The following HLTF variants were observed in gnomAD, a reference collection of about 807,000 sequenced individuals.
The protein encoded by HLTF is DNA-dependent ATPase/E3 ubiquitin-protein ligase HLTF.
HLTF carries 127 observed loss-of-function variants against 129.4 expected under a neutral mutation model. That is an observed-to-expected ratio of 0.98 (90% CI 0.85 to 1.14). The LOEUF is 1.14. Ranked by LOEUF, HLTF falls within the 50% of genes most tolerant of loss-of-function variation. HLTF has a pLI of 0.00. For synonymous variants in HLTF, 332 were observed against 388.8 expected, an observed-to-expected ratio of 0.85 and a Z score of 1.72; for missense variants, 1,139 against 1,187.1, an observed-to-expected ratio of 0.96 and a Z score of 0.60.
chr3:149,054,452 T>A (rs1209139251), intron 14 of HLTF, among the ~76,000 whole-genome samples: 2 of 151,870 alleles, frequency 1.3e-5, no homozygotes, highest in South Asian at 4.2e-4. Flanking sequence ...TTAAAAAGAG[T>A]AGGATCTCTT....
At chr3:149,042,783 G>C (rs1452475927) in intron 18 of HLTF, among the ~76,000 whole-genome samples, 1 of 152,078 alleles carries the variant, frequency 6.6e-6, no homozygotes, top group Non-Finnish European at 1.5e-5. Flanking sequence ...TAAAGTTTCT[G>C]ATCTCTGTTT....
intron 13 of HLTF, among the ~76,000 whole-genome samples, chr3:149,056,832 G>C (rs886114793): frequency 1.3e-5 from 2 of 150,922 alleles, no homozygotes; most frequent in African/African-American, 4.9e-5. Context: ...AGAATGGGCC[G>C]GGCGCGGTGG....
intron 2 of HLTF, among the ~76,000 whole-genome samples, chr3:149,079,374 A>T (rs1309926084): frequency 0.011 from 82 of 7,278 alleles, no homozygotes; most frequent in Non-Finnish European, 0.016. Flanking sequence ...GACAGTTTCT[A>T]AAAAAAAAAA....
At chr3:149,050,648 G>A (rs1331650094) in intron 14 of HLTF, among the ~76,000 whole-genome samples, 2 of 152,130 alleles carry the variant, frequency 1.3e-5, no homozygotes, top group African/African-American at 2.4e-5. Context: ...AAACAATAAT[G>A]AGTTTTATAA....
At chr3:149,040,914 AC>A (rs1716077740) in intron 20 of HLTF, among the ~76,000 whole-genome samples, 1 of 152,102 alleles carries the variant, frequency 6.6e-6, no homozygotes. Flanking sequence ...AAAAAATTCT[AC>A]CCCAGCTGAA....
At chr3:149,047,962 G>T in intron 17 of HLTF, 66 bp downstream of exon 17, 3 of 1,313,940 alleles carry the variant, frequency 2.3e-6, no homozygotes, top group Non-Finnish European at 3.1e-6. Flanking sequence ...TAAAGAAAGT[G>T]CCAACTGGTT....
intron 10 of HLTF, among the ~76,000 whole-genome samples, chr3:149,061,315 G>A (rs1049560704): frequency 6.6e-6 from 1 of 152,026 alleles, no homozygotes; most frequent in Non-Finnish European, 1.5e-5. Context: ...GGAGGCTGAG[G>A]CAGGAGAATG....
At chr3:149,037,071 GATTA>G (rs1451840886) in intron 23 of HLTF, among the ~76,000 whole-genome samples, 4 of 152,072 alleles carry the variant, frequency 2.6e-5, no homozygotes, top group East Asian at 1.9e-4. Flanking sequence ...ATTATCACTG[GATTA>G]ATTAATATTC....
At chr3:149,050,093 A>G in intron 15 of HLTF, 139 bp downstream of exon 15, 1 of 433,032 alleles carries the variant, frequency 2.3e-6, no homozygotes, top group Non-Finnish European at 4.0e-6. Context: ...AAAAAAAACC[A>G]TTTATTTTTC....
intron 2 of HLTF, among the ~76,000 whole-genome samples, chr3:149,076,406 AC>A (rs1719359311): frequency 1.3e-5 from 2 of 152,332 alleles, no homozygotes; most frequent in Non-Finnish European, 2.9e-5. Context: ...AGTACATTGC[AC>A]AGACTGACTT....
At chr3:149,035,656 C>CAAAA (rs59996160) in intron 23 of HLTF, among the ~76,000 whole-genome samples, 1 of 73,400 alleles carries the variant, frequency 1.4e-5, no homozygotes, top group Non-Finnish European at 2.4e-5. Flanking sequence ...GACTCCGTCT[C>CAAAA]AAAAAAAAAA....
intron 20 of HLTF, among the ~76,000 whole-genome samples, chr3:149,040,567 C>T (rs1716046079): frequency 6.6e-6 from 1 of 151,926 alleles, no homozygotes; most frequent in Admixed American, 6.6e-5. Flanking sequence ...CTTATAATAG[C>T]TTATAAAGCT....
intron 9 of HLTF, among the ~76,000 whole-genome samples, chr3:149,063,757 C>T (rs1718141696): frequency 6.6e-6 from 1 of 152,020 alleles, no homozygotes; most frequent in African/African-American, 2.4e-5. Flanking sequence ...CTCATCCAGC[C>T]CATCCCCACA....
intron 2 of HLTF, 73 bp from the exon 3 acceptor site, chr3:149,076,120 A>T: frequency 5.1e-6 from 3 of 587,318 alleles, no homozygotes; most frequent in Non-Finnish European, 8.5e-6. Context: ...TTTATCTGGG[A>T]TTTCCATTCA....
intron 24 of HLTF, among the ~76,000 whole-genome samples, chr3:149,034,003 T>C (rs1715355370): frequency 6.6e-6 from 1 of 152,162 alleles, no homozygotes; most frequent in African/African-American, 2.4e-5. Flanking sequence ...AGGGAGTCCT[T>C]TATACTATAA....
chr3:149,063,669 T>C, intron 9 of HLTF, 145 bp from the exon 10 acceptor site: 1 of 572,250 alleles, frequency 1.7e-6, no homozygotes, highest in Non-Finnish European at 3.1e-6. Flanking sequence ...TTTTCTCTAC[T>C]TTTTTCCTAA....
chr3:149,035,747 G>A (rs1421588308), intron 23 of HLTF, among the ~76,000 whole-genome samples: 4 of 150,998 alleles, frequency 2.6e-5, no homozygotes, highest in Non-Finnish European at 5.9e-5. Flanking sequence ...TTCTGTATCA[G>A]TATTTGACGT....
Position 149,039,635 on chromosome 3 carries a change from C to T in HLTF, c.2561G>A (p.Ser854Asn). 1.2e-6 allele frequency: 2 copies of T among 1,607,668 alleles called. No homozygotes were observed. The highest frequency in any genetic ancestry group is 1.3e-5 in the African/African-American group (1 of 74,774). Reference protein sequence around the residue: ...DLRKKNPNIKSLVVSQFTTFL... With the variant: ...DLRKKNPNIKNLVVSQFTTFL... Reference sequence around the variant, plus strand: ...TGTTGTAAACTGAGAAACAACCAAACTTTTTATGTTGGGATTCTTCTTTCT... The same window carrying T: ...TGTTGTAAACTGAGAAACAACCAAATTTTTTATGTTGGGATTCTTCTTTCT... Residue 854 changes from serine (S) to asparagine (N), a missense_variant, in exon 22 of 25, where the codon AGT (serine) becomes AAT (asparagine). Coordinates refer to ENST00000310053, the MANE Select transcript of HLTF (RefSeq NM_003071.4).
chr3:149,040,073 G>A lies in HLTF; in HGVS notation c.2460C>T (p.Asp820=). 2 of 1,611,044 alleles carry A rather than the reference G, an allele frequency of 1.2e-6. No homozygotes were observed. The highest frequency in any genetic ancestry group is 1.1e-5 in the South Asian group (1 of 90,790). ...LECPPEELAR[D]SEKKSDMEWT... The stretch of plus-strand genomic sequence containing the variant: ...ATTCCATATCAGACTTTTTCTCACT[G>A]TCACGTGCTAATTCTTCTGGAGGAC... The change falls in exon 21 of 25, where the codon GAC becomes GAT. Residue 820 remains aspartate, a synonymous_variant. Transcript: ENST00000310053.
Sources: gnomAD v4.1 joint callset for allele counts (sites outside exome capture counted in the v4.1 genomes callset) on GRCh38, gnomAD v4.1.1 for gene constraint, MANE v1.5 for transcripts, NCBI Gene and HGNC (gene_info 2026-07-23, HGNC 2026-07-21) for gene names.